The following MAST4 variants were observed in gnomAD, a reference collection of about 807,000 sequenced individuals.
MAST4 encodes the protein microtubule associated serine/threonine kinase family member 4.
Under a neutral mutation model 162.7 loss-of-function variants are expected in MAST4, and 89 were observed. The ratio of observed to expected loss-of-function variants is 0.55; its 90% CI spans 0.46 to 0.65. MAST4 has a LOEUF of 0.65. MAST4 is among the 30% of genes least tolerant of loss of function. The pLI is 0.00. For synonymous variants in MAST4, 1,479 were observed against 1,361.1 expected (o/e 1.09, Z -1.91); for missense variants, 3,153 against 3,374.0 (o/e 0.93, Z 1.62).
At chr5:66,942,323 A>G (rs577544536) in intron 4 of MAST4, among the ~76,000 whole-genome samples, 1 of 152,274 alleles carries the variant, frequency 6.6e-6, no homozygotes, top group South Asian at 2.1e-4. Flanking sequence ...ATTATGTTCT[A>G]TATTCCAGAC....
chr5:66,674,893 G>A (rs921985056), intron 1 of MAST4, among the ~76,000 whole-genome samples: 1 of 152,294 alleles, frequency 6.6e-6, no homozygotes, highest in East Asian at 1.9e-4. Flanking sequence ...TTTTTAGAAG[G>A]ATATTGGATA....
intron 3 of MAST4, among the ~76,000 whole-genome samples, chr5:66,855,464 C>G (rs1234281390): frequency 6.6e-6 from 1 of 152,136 alleles, no homozygotes; most frequent in East Asian, 1.9e-4. Flanking sequence ...AAGAAAAATA[C>G]ATTTAGAGCT....
At chr5:67,154,334 T>C (rs1179735509) in intron 26 of MAST4, among the ~76,000 whole-genome samples, 1 of 152,222 alleles carries the variant, frequency 6.6e-6, no homozygotes, top group East Asian at 1.9e-4. Flanking sequence ...AGCATATCTC[T>C]AGATAGTATC....
intron 1 of MAST4, among the ~76,000 whole-genome samples, chr5:66,688,496 A>T (rs1748835054): frequency 1.3e-5 from 2 of 152,310 alleles, no homozygotes; most frequent in Admixed American, 1.3e-4. Flanking sequence ...ATTCTGCAGA[A>T]GTTGAACTAG....
Position 66,931,595 on chromosome 5 carries a change from T to C in MAST4, c.674+31613T>C, listed in dbSNP as rs1275102465. ...GATGAAACAAGATTGAGCTAGACATTATGTTGGATTTCATTTATTGATTTC... is the reference window on the plus strand; with the variant it reads ...GATGAAACAAGATTGAGCTAGACATCATGTTGGATTTCATTTATTGATTTC... On this transcript the variant is annotated intron_variant, in intron 4 of 28. Transcript: ENST00000403625. Among the ~76,000 whole-genome samples the C allele has an allele frequency of 2.0e-5, 3 of 152,194 alleles. No individual in the cohort carries two copies. The East Asian group carries it at 5.8e-4, about 29-fold the overall frequency.
intron 1 of MAST4, among the ~76,000 whole-genome samples, chr5:66,645,647 G>A (rs760663293): frequency 7.9e-5 from 12 of 152,076 alleles, no homozygotes; most frequent in Non-Finnish European, 1.6e-4. Flanking sequence ...ATTTTAACAC[G>A]TTTTTTCCTC....
intron 4 of MAST4, among the ~76,000 whole-genome samples, chr5:66,911,558 A>ACC (rs59771853): frequency 2.8e-4 from 5 of 18,094 alleles, no homozygotes; most frequent in South Asian, 5.1e-3. Flanking sequence ...AACAACAACA[A>ACC]CCCCCCCCCC....
At chr5:66,913,668 G>A (rs756210266) in intron 4 of MAST4, among the ~76,000 whole-genome samples, 6 of 152,100 alleles carry the variant, frequency 3.9e-5, no homozygotes, top group African/African-American at 7.2e-5. Flanking sequence ...TTATTAATTC[G>A]TTCTTTAAAT....
intron 4 of MAST4, among the ~76,000 whole-genome samples, chr5:67,052,714 A>C (rs999590413): frequency 2.6e-5 from 4 of 152,150 alleles, no homozygotes; most frequent in Non-Finnish European, 5.9e-5. Flanking sequence ...AAAGATCTTT[A>C]TGCATGATGT....
At chr5:66,785,028 G>A (rs1423351329) in intron 2 of MAST4, among the ~76,000 whole-genome samples, 3 of 152,150 alleles carry the variant, frequency 2.0e-5, no homozygotes, top group Non-Finnish European at 4.4e-5. Context: ...GCAGTGAGCC[G>A]AGATTGTGCC....
intron 2 of MAST4, among the ~76,000 whole-genome samples, chr5:66,787,742 C>A (rs1041248599): frequency 6.6e-6 from 1 of 152,152 alleles, no homozygotes; most frequent in African/African-American, 2.4e-5. Context: ...GGTCTGCTAT[C>A]TTTTCATTGT....
chr5:67,012,371 A>G (rs964080866), intron 4 of MAST4, among the ~76,000 whole-genome samples: 1 of 152,162 alleles, frequency 6.6e-6, no homozygotes, highest in African/African-American at 2.4e-5. Flanking sequence ...TCTCACACAG[A>G]TGGAAACTGG....
chr5:67,110,160 A>G lies in MAST4; in HGVS notation c.1419A>G (p.Leu473=). 1 of 1,613,692 alleles carries G rather than the reference A, an allele frequency of 6.2e-7. No homozygotes were observed. The highest frequency in any genetic ancestry group is 8.5e-7 in the Non-Finnish European group (1 of 1,179,670). The change falls in exon 11 of 29, where the codon CTA becomes CTG. Residue 473 remains leucine (L), a synonymous_variant. Transcript: ENST00000403625. ...TTAAACAACTAGTTCGAAAGATCCTAATTGTTATTGCCCGCCCTGCTCGGT... is the reference window on the plus strand; with the variant it reads ...TTAAACAACTAGTTCGAAAGATCCTGATTGTTATTGCCCGCCCTGCTCGGT... The part of the protein sequence containing the change: ...AFIKQLVRKI[L]IVIARPARLL...
chr5:66,648,083 T>TGTGAGAGAGAGAGA (rs1229070126), intron 1 of MAST4, among the ~76,000 whole-genome samples: 4 of 87,170 alleles, frequency 4.6e-5, no homozygotes, highest in African/African-American at 1.7e-4. Context: ...TGTGTGTGTG[T>TGTGAGAGAGAGAGA]GAGAGAGAGA....
At chr5:66,943,600 G>A (rs1475098969) in intron 4 of MAST4, among the ~76,000 whole-genome samples, 1 of 152,024 alleles carries the variant, frequency 6.6e-6, no homozygotes, top group Non-Finnish European at 1.5e-5. Context: ...GGAACAGCTT[G>A]GTGAATGCCT....
At chr5:66,679,708 G>T (rs891669953) in intron 1 of MAST4, among the ~76,000 whole-genome samples, 6 of 151,792 alleles carry the variant, frequency 4.0e-5, no homozygotes, top group African/African-American at 7.3e-5. Context: ...TCTCGGTGAG[G>T]GTGTGGGGTT....
chr5:67,124,278 A>G (rs1262507348), intron 14 of MAST4, among the ~76,000 whole-genome samples: 2 of 152,090 alleles, frequency 1.3e-5, no homozygotes, highest in Non-Finnish European at 2.9e-5. Context: ...AGAAAGCACA[A>G]CCTCTGGGAC....
intron 3 of MAST4, among the ~76,000 whole-genome samples, chr5:66,852,589 C>G (rs946114882): frequency 1.3e-5 from 2 of 152,130 alleles, no homozygotes. Context: ...CCTTTCTTAC[C>G]GCAAAATGAT....
intron 4 of MAST4, among the ~76,000 whole-genome samples, chr5:66,964,212 AT>A (rs1374665262): frequency 6.6e-6 from 1 of 152,144 alleles, no homozygotes; most frequent in Non-Finnish European, 1.5e-5. Flanking sequence ...AAGTGTTAAT[AT>A]TTTTTAAATC....
Sources: allele counts gnomAD v4.1 joint callset (sites outside exome capture counted in the v4.1 genomes callset), GRCh38; gene constraint gnomAD v4.1.1; transcripts MANE v1.5; gene names NCBI Gene and HGNC (gene_info 2026-07-23, HGNC 2026-07-21).